Variants in CAST observed in about 807,000 individuals in gnomAD.
CAST encodes calpastatin, also known as MIR583 host.
Under a neutral mutation model 119.6 loss-of-function variants are expected in CAST, and 76 were observed. The observed-to-expected ratio is 0.64, with a 90% CI of 0.53 to 0.77. The LOEUF (loss-of-function observed/expected upper bound fraction) is 0.77, where lower values mean the gene tolerates loss of function less well. CAST is among the 30% of genes least tolerant of loss of function. The pLI, the probability that CAST is intolerant of heterozygous loss-of-function variation, is 0.00. For missense variants in CAST, 953 were observed against 946.5 expected (o/e 1.01, Z -0.09); for synonymous variants, 319 against 331.6 (o/e 0.96, Z 0.41).
the CAST span, among the ~76,000 whole-genome samples, chr5:96,048,583 A>T: frequency 1.4e-3 from 210 of 152,274 alleles, 1 homozygote; most frequent in African/African-American, 4.8e-3. Context: ...GTGGGTAGGA[A>T]TTACTGAGAT....
the CAST span, among the ~76,000 whole-genome samples, chr5:96,127,638 T>G: frequency 6.6e-6 from 1 of 152,130 alleles, no homozygotes; most frequent in Non-Finnish European, 1.5e-5. Flanking sequence ...AAAATGTTTC[T>G]TCTCTCTTTT....
intron 1 of CAST, among the ~76,000 whole-genome samples, chr5:96,622,895 G>C: frequency 1.3e-5 from 1 of 79,168 alleles, no homozygotes; most frequent in East Asian, 3.8e-4. Context: ...ACGGAGTCTC[G>C]CTCTGTCGCC....
intron 2 of CAST, among the ~76,000 whole-genome samples, chr5:96,692,841 G>A (rs1347594611): frequency 2.0e-5 from 3 of 152,182 alleles, no homozygotes; most frequent in Admixed American, 6.5e-5. Context: ...TAAGTGCCAC[G>A]AGGGCAGGAG....
At chr5:96,326,912 TG>T in the CAST span, among the ~76,000 whole-genome samples, 9 of 152,280 alleles carry the variant, frequency 5.9e-5, no homozygotes, top group South Asian at 1.5e-3. Context: ...ACTTAACCAG[TG>T]TTTTTATCCG....
chr5:96,246,187 C>CTT, the CAST span, among the ~76,000 whole-genome samples: 10 of 76,386 alleles, frequency 1.3e-4, 3 homozygotes, highest in East Asian at 2.5e-3. Flanking sequence ...GTCTGTCTTC[C>CTT]TTTTTTTTTT....
At chr5:96,035,789 G>A in the CAST span, among the ~76,000 whole-genome samples, 1 of 151,642 alleles carries the variant, frequency 6.6e-6, no homozygotes. Context: ...AAAGCAGGGG[G>A]TGGAGCCGCT....
chr5:96,255,056 C>T, the CAST span, among the ~76,000 whole-genome samples: 1 of 151,938 alleles, frequency 6.6e-6, no homozygotes, highest in Non-Finnish European at 1.5e-5. Context: ...GATTAAAAAA[C>T]GAAGATAATT....
the CAST span, among the ~76,000 whole-genome samples, chr5:96,233,250 T>C: frequency 1.3e-5 from 2 of 152,082 alleles, no homozygotes; most frequent in South Asian, 2.1e-4. Context: ...AGTAAAATTA[T>C]GCAAACTTTC....
the CAST span, among the ~76,000 whole-genome samples, chr5:96,075,553 A>T: frequency 9.2e-5 from 14 of 152,198 alleles, no homozygotes; most frequent in Non-Finnish European, 5.9e-5. Context: ...CTACTTCCAC[A>T]AACTGCCAAT....
chr5:95,992,833 AT>A, the CAST span, among the ~76,000 whole-genome samples: 1 of 152,200 alleles, frequency 6.6e-6, no homozygotes, highest in Non-Finnish European at 1.5e-5. Context: ...ATCTAAAATT[AT>A]TCCAAAATAA....
At chr5:96,623,609 G>A (rs893731234) in intron 1 of CAST, among the ~76,000 whole-genome samples, 4 of 152,142 alleles carry the variant, frequency 2.6e-5, no homozygotes, top group Admixed American at 2.0e-4. Context: ...GCCTCATGAA[G>A]GTTGAAATTC....
chr5:96,424,377 A>G, the CAST span, among the ~76,000 whole-genome samples: 609 of 152,290 alleles, frequency 4.0e-3, 3 homozygotes, highest in African/African-American at 0.014. Flanking sequence ...GAAGGCCTCT[A>G]TGTCAGTTGC....
At chr5:96,582,617 A>T (rs1406016654) in intron 1 of CAST, among the ~76,000 whole-genome samples, 1 of 152,216 alleles carries the variant, frequency 6.6e-6, no homozygotes, top group Non-Finnish European at 1.5e-5. Context: ...ATGTACTGGG[A>T]CGGAGTGAGC....
chr5:96,376,942 A>G, the CAST span, among the ~76,000 whole-genome samples: 2 of 152,178 alleles, frequency 1.3e-5, no homozygotes, highest in East Asian at 1.9e-4. Context: ...AGACAGTGAT[A>G]TTGATAATCC....
chr5:96,354,386 T>C, the CAST span, among the ~76,000 whole-genome samples: 1 of 152,194 alleles, frequency 6.6e-6, no homozygotes, highest in East Asian at 1.9e-4. Flanking sequence ...ACCCCATCTA[T>C]GTAGCTTCTC....
At chr5:96,343,598 C>G in the CAST span, among the ~76,000 whole-genome samples, 1 of 152,162 alleles carries the variant, frequency 6.6e-6, no homozygotes, top group Non-Finnish European at 1.5e-5. Flanking sequence ...TACTGAGAAA[C>G]ACACAAAGGA....
the CAST span, among the ~76,000 whole-genome samples, chr5:96,059,866 A>T: frequency 1.3e-5 from 2 of 152,114 alleles, no homozygotes; most frequent in Non-Finnish European, 2.9e-5. Flanking sequence ...CAACAATATT[A>T]TATTCCTGAT....
chr5:96,588,187 TC>T (rs1746891765), intron 1 of CAST, among the ~76,000 whole-genome samples: 1 of 137,822 alleles, frequency 7.3e-6, no homozygotes, highest in South Asian at 2.3e-4. Context: ...TTTCTTTCTT[TC>T]TTTCTTTCTT....
At chr5:96,278,003 A>T in the CAST span, among the ~76,000 whole-genome samples, 1 of 151,526 alleles carries the variant, frequency 6.6e-6, no homozygotes, top group South Asian at 2.1e-4. Context: ...CCTTAACTGG[A>T]GGGTGGGGAG....
Sources: gnomAD v4.1 joint callset for allele counts (sites outside exome capture counted in the v4.1 genomes callset) on GRCh38, gnomAD v4.1.1 for gene constraint, MANE v1.5 for transcripts, NCBI Gene and HGNC (gene_info 2026-07-23, HGNC 2026-07-21) for gene names.